Variants in LARGE1 observed in about 807,000 individuals in gnomAD.
LARGE1 encodes LARGE xylosyl- and glucuronyltransferase 1, also known as xylosyl- and glucuronyltransferase LARGE1.
A neutral mutation model predicts 87.6 loss-of-function variants in LARGE1; 43 were observed. That is an observed-to-expected ratio of 0.49 (90% CI 0.38 to 0.63). The LOEUF (loss-of-function observed/expected upper bound fraction) is 0.63, where lower values mean the gene tolerates loss of function less well. LARGE1 is among the 30% of genes least tolerant of loss of function. LARGE1 has a pLI of 0.00. For missense variants in LARGE1, 802 were observed against 1,000.2 expected (o/e 0.80, Z 2.67); for synonymous variants, 434 against 394.6 (o/e 1.10, Z -1.18).
intron 11 of LARGE1, among the ~76,000 whole-genome samples, chr22:33,181,036 G>A (rs1034566960): frequency 2.6e-5 from 4 of 152,122 alleles, no homozygotes; most frequent in South Asian, 4.1e-4. Flanking sequence ...CCATTGAGCT[G>A]CACACTTGAA....
chr22:33,278,724 A>T (rs926427601), intron 13 of LARGE1, among the ~76,000 whole-genome samples: 1 of 151,568 alleles, frequency 6.6e-6, no homozygotes, highest in Admixed American at 6.6e-5. Context: ...CTCTTTTTTT[A>T]TTTTTTTATT....
chr22:33,089,061 G>A, the LARGE1 span, among the ~76,000 whole-genome samples: 8 of 152,056 alleles, frequency 5.3e-5, no homozygotes, highest in Non-Finnish European at 1.0e-4. Context: ...AGTTCCTCTG[G>A]GTTCCAACAG....
exon 12 of LARGE1, chr22:33,166,376 G>A (rs768092331): frequency 6.4e-5 from 12 of 187,992 alleles, no homozygotes; most frequent in Non-Finnish European, 1.2e-4. Context: ...TCCCCTGCAT[G>A]TACCACCTCA....
Position 33,832,615 on chromosome 22 carries a change from C to T in LARGE1, c.-82-71057G>A, listed in dbSNP as rs568582309. On this transcript the variant is annotated intron_variant, in intron 1 of 14. Coordinates refer to ENST00000397394, the MANE Select transcript of LARGE1 (RefSeq NM_133642.5). Reference sequence around the variant, plus strand: ...ATTAAGATGCGGCAACCCCAGAGGGCTCGGAATCAGCTGACTGTACCCACT... The same window carrying T: ...ATTAAGATGCGGCAACCCCAGAGGGTTCGGAATCAGCTGACTGTACCCACT... Among the ~76,000 whole-genome samples the T allele has an allele frequency of 2.2e-4, 34 of 152,320 alleles. No homozygotes were observed. The South Asian group carries it at 3.9e-3, about 18-fold the overall frequency.
chr22:33,223,985 C>T (rs5749580), intron 11 of LARGE1, among the ~76,000 whole-genome samples: 34,804 of 152,074 alleles, frequency 0.23, 4,455 homozygotes, highest in African/African-American at 0.35. Context: ...CAGCCTAGCA[C>T]AGTGAGGGGC....
At chr22:33,222,805 G>C (rs944480914) in intron 11 of LARGE1, among the ~76,000 whole-genome samples, 2 of 152,134 alleles carry the variant, frequency 1.3e-5, no homozygotes, top group Non-Finnish European at 1.5e-5. Context: ...TTGGCACCTG[G>C]TTTTTTGGCA....
intron 6 of LARGE1, among the ~76,000 whole-genome samples, chr22:33,535,908 C>A (rs115463185): frequency 1.5e-3 from 223 of 152,326 alleles, no homozygotes; most frequent in African/African-American, 5.0e-3. Context: ...TTGTGAACTA[C>A]GCCTTCTTTT....
rs141766413 is a variant in LARGE1, at chr22:33,817,440, TTCTC to T, written c.-82-55886_-82-55883del. ...CCATAGACAGATCACTCGTTTGTGT[TTCTC>T]TCTCTCTCTCTTTCGCAGGGGACCC... On this transcript the variant is annotated intron_variant, in intron 1 of 14. Coordinates refer to ENST00000397394, the MANE Select transcript of LARGE1 (RefSeq NM_133642.5). Among the ~76,000 whole-genome samples the T allele has an allele frequency of 4.7e-3, 704 of 150,992 alleles. 5 individuals are homozygous for T. Among genetic ancestry groups the T allele is most frequent in the African/African-American group, 0.016 (654 of 41,374 alleles).
At chr22:33,508,527 C>T (rs2070874351) in intron 6 of LARGE1, among the ~76,000 whole-genome samples, 1 of 152,176 alleles carries the variant, frequency 6.6e-6, no homozygotes, top group Non-Finnish European at 1.5e-5. Context: ...CTTGGTTTCT[C>T]TTCTTTCTCG....
chr22:33,608,322 C>T (rs1001621971), intron 4 of LARGE1, among the ~76,000 whole-genome samples: 3 of 152,172 alleles, frequency 2.0e-5, no homozygotes, highest in Non-Finnish European at 4.4e-5. Flanking sequence ...TTTGCTTGTG[C>T]TGTTCCCTCT....
intron 6 of LARGE1, among the ~76,000 whole-genome samples, chr22:33,542,434 A>G: frequency 6.6e-6 from 1 of 152,020 alleles, no homozygotes; most frequent in Non-Finnish European, 1.5e-5. Flanking sequence ...CAGTGACTCA[A>G]GTCCCCTTGG....
chr22:33,879,958 C>G (rs1187466792), intron 1 of LARGE1, among the ~76,000 whole-genome samples: 1 of 152,152 alleles, frequency 6.6e-6, no homozygotes, highest in East Asian at 1.9e-4. Flanking sequence ...TACCTTTTTC[C>G]CAACCTGCTT....
chr22:33,888,303 T>C (rs543541152), intron 1 of LARGE1, among the ~76,000 whole-genome samples: 13 of 152,244 alleles, frequency 8.5e-5, no homozygotes, highest in African/African-American at 2.9e-4. Context: ...AGAACATCCA[T>C]GAGCCCATGA....
chr22:33,433,026 C>T (rs989559615), intron 6 of LARGE1, among the ~76,000 whole-genome samples: 1 of 152,160 alleles, frequency 6.6e-6, no homozygotes, highest in African/African-American at 2.4e-5. Context: ...TCTCTTAGGG[C>T]GTACATGTCT....
intron 6 of LARGE1, among the ~76,000 whole-genome samples, chr22:33,485,123 G>A (rs2069513453): frequency 6.6e-6 from 1 of 151,846 alleles, no homozygotes; most frequent in Non-Finnish European, 1.5e-5. Flanking sequence ...ATGTTAGCCA[G>A]GCTAGTCTCG....
intron 7 of LARGE1, 79 bp downstream of exon 7, chr22:33,432,081 CA>C: frequency 8.5e-7 from 1 of 1,181,648 alleles, no homozygotes; most frequent in South Asian, 1.2e-5. Flanking sequence ...TGAGCTTTTG[CA>C]ATCTCCTCTC....
chr22:33,364,495 C>T lies in LARGE1; in HGVS notation c.1131+17424G>A, dbSNP rs547099036. 7.9e-5 allele frequency among the ~76,000 whole-genome samples: 12 copies of T among 152,270 alleles called. No individual in the cohort carries two copies. In the East Asian group the frequency reaches 2.3e-3, roughly 29 times the overall value. On this transcript the variant is annotated intron_variant, in intron 9 of 14. Coordinates refer to ENST00000397394, the MANE Select transcript of LARGE1 (RefSeq NM_133642.5). Reference sequence around the variant, plus strand: ...CAGCCTCTCCTTACTCGGGGTTTTGCTTTTCTCCACTTCAGTTACCAGAGG... The same window carrying T: ...CAGCCTCTCCTTACTCGGGGTTTTGTTTTTCTCCACTTCAGTTACCAGAGG...
intron 5 of LARGE1, chr22:33,572,288 AT>A: frequency 1.1e-6 from 1 of 883,638 alleles, no homozygotes; most frequent in Admixed American, 2.9e-5. Context: ...CAACCAACCT[AT>A]ATGTTCAGAG....
chr22:33,117,758 A>G, the LARGE1 span, among the ~76,000 whole-genome samples: 1 of 152,226 alleles, frequency 6.6e-6, no homozygotes, highest in African/African-American at 2.4e-5. Context: ...TTGTTTATTT[A>G]TGAATGACTG....
Sources: gnomAD v4.1 joint callset for allele counts (sites outside exome capture counted in the v4.1 genomes callset) on GRCh38, gnomAD v4.1.1 for gene constraint, MANE v1.5 for transcripts, NCBI Gene and HGNC (gene_info 2026-07-23, HGNC 2026-07-21) for gene names.